TUBGCP6: variants seen among roughly 807,000 people sequenced by gnomAD.
TUBGCP6 encodes the protein gamma-tubulin complex component 6.
Under a neutral mutation model 175.8 loss-of-function variants are expected in TUBGCP6, and 161 were observed. The observed-to-expected ratio is 0.92, with a 90% CI of 0.81 to 1.04. The LOEUF is 1.04. TUBGCP6 is among the 50% of genes least tolerant of loss of function. The pLI is 0.00. For missense variants in TUBGCP6, 2,572 were observed against 2,433.0 expected (o/e 1.06, Z -1.20); for synonymous variants, 1,173 against 1,030.5 (o/e 1.14, Z -2.65).
chr22:50,225,646 G>T, intron 10 of TUBGCP6, 148 bp downstream of exon 10: 4 of 798,932 alleles, frequency 5.0e-6, no homozygotes, highest in Non-Finnish European at 6.8e-6. Context: ...ACTCCCCCTT[G>T]GCACCCACCC....
rs1479994496 is a variant in TUBGCP6 at position 50,220,595 on chromosome 22, G to C, written c.3764C>G (p.Pro1255Arg). The C allele has an allele frequency of 6.2e-7, 1 of 1,612,780 alleles. No individual in the cohort carries two copies. Among genetic ancestry groups the C allele is most frequent in the Non-Finnish European group, 8.5e-7 (1 of 1,179,682 alleles). The change falls in exon 16 of 25, where the codon CCT (proline) becomes CGT (arginine). Residue 1255 changes from proline to arginine, a missense_variant. By Grantham distance (103) the Pro-to-Arg change is moderately radical. Coordinates refer to ENST00000248846, the MANE Select transcript of TUBGCP6 (RefSeq NM_020461.4). ...CCGGGTGGAAACCACATCCGACACA[G>C]GCTCCCCCAAGCTGATGCTGGCGTC... is the stretch of plus-strand genomic sequence containing the variant. ...VSDASISLGE[P>R]VSDVVSTRPR...
rs113946237 is a variant in TUBGCP6, at chr22:50,244,484, G to A, written c.-25C>T. On this transcript the variant is annotated 5_prime_UTR_variant, in exon 1 of 25. Coordinates refer to ENST00000248846, the MANE Select transcript of TUBGCP6 (RefSeq NM_020461.4). The stretch of plus-strand genomic sequence containing the variant: ...TGCCCCTTCTCAGCTCCGGGCCCCC[G>A]GCGTGTGGGAAAACACCTCACCCGG... 1.1e-3 allele frequency: 1,753 copies of A among 1,586,846 alleles called. 20 individuals carry two copies. The African/African-American group carries it at 0.02, about 18-fold the overall frequency.
At position 50,226,267 on chromosome 22, in the gene TUBGCP6, C is replaced by A. The variant is rs983771157; in HGVS notation, c.1693+20G>T. On this transcript the variant is annotated intron_variant, in intron 8 of 24. Transcript: ENST00000248846. ...GGCCCACAGGCACGGACCCCTGCCC[C>A]GCAATCAGCTGCCACCTACCTCGGA... 3.7e-6 allele frequency: 6 copies of A among 1,613,986 alleles called. No individual in the cohort carries two copies. Among genetic ancestry groups the A allele is most frequent in the Non-Finnish European group, 5.1e-6 (6 of 1,179,984 alleles).
chr22:50,219,101 G>C lies in TUBGCP6; in HGVS notation c.4593C>G (p.Phe1531Leu). The stretch of plus-strand genomic sequence containing the variant: ...AGAGCAGGTCGCTGAGGGACTGGGC[G>C]AACTCGCCGTCCTCCATCAGCAGGA... The part of the protein sequence containing the change: ...RHFLLMEDGE[F>L]AQSLSDLLFE... The change falls in exon 20 of 25, where the codon TTC becomes TTG. Residue 1531 changes from phenylalanine (F) to leucine (L), a missense_variant. Transcript: ENST00000248846. 1 of 1,612,824 alleles carries C rather than the reference G, an allele frequency of 6.2e-7. No individual in the cohort carries two copies. The highest frequency in any genetic ancestry group is 1.1e-5 in the South Asian group (1 of 91,000).
chr22:50,244,008 T>C lies in TUBGCP6; in HGVS notation c.452A>G (p.Asp151Gly), dbSNP rs1338223277. Residue 151 changes from aspartate to glycine, a missense_variant, in exon 1 of 25, where the codon GAC becomes GGC. Coordinates refer to ENST00000248846, the MANE Select transcript of TUBGCP6 (RefSeq NM_020461.4). ...RNVPYSGYDC[D>G]DLSVFEMDVQ... ...GTCCATCTCAAACACACTCAGGTCG[T>C]CGCAATCATAGCCGCTGTACGGAAC... 2 of 1,614,162 alleles carry C rather than the reference T, an allele frequency of 1.2e-6. No individual in the cohort carries two copies. Among genetic ancestry groups the C allele is most frequent in the Non-Finnish European group, 1.7e-6 (2 of 1,180,050 alleles).
At position 50,226,761 on chromosome 22, in the gene TUBGCP6, G is replaced by C. The variant is rs1260666778; in HGVS notation, c.1573C>G (p.Leu525Val). 2 of 1,590,974 alleles carry C rather than the reference G, an allele frequency of 1.3e-6. No individual in the cohort carries two copies. The highest frequency in any genetic ancestry group is 1.3e-5 in the African/African-American group (1 of 74,662). ...GTGTAGGGCTCGCAGCTGGTCTTCA[G>C]CAGGGACAGCAGTACAGGGTAGTGC... ...NEHYPVLLSL[L>V]KTSCEPYTRF... Residue 525 changes from leucine to valine, a missense_variant, in exon 7 of 25, where the codon CTG becomes GTG. By Grantham distance (32) the Leu-to-Val change is conservative. Transcript: ENST00000248846.
At chr22:50,222,698 C>T in intron 13 of TUBGCP6, 106 bp from the exon 14 acceptor site, 2 of 1,479,260 alleles carry the variant, frequency 1.4e-6, no homozygotes, top group Non-Finnish European at 1.8e-6. Flanking sequence ...CCCCAGTGGG[C>T]CCCCGCCCCC....
At chr22:50,219,502 G>T in intron 18 of TUBGCP6, 46 bp from the exon 19 acceptor site, 1 of 1,593,868 alleles carries the variant, frequency 6.3e-7, no homozygotes, top group Non-Finnish European at 8.5e-7. Flanking sequence ...GCCAGCCCAG[G>T]GCTCCGCCCC....
At chr22:50,232,487 A>C (rs2064706574) in intron 3 of TUBGCP6, among the ~76,000 whole-genome samples, 2 of 151,780 alleles carry the variant, frequency 1.3e-5, no homozygotes, top group South Asian at 4.2e-4. Context: ...TCAGCCCAGG[A>C]GGTCGAGGCT....
chr22:50,228,238 ACCACCAACCC>A, intron 4 of TUBGCP6, among the ~76,000 whole-genome samples: 1 of 82,248 alleles, frequency 1.2e-5, no homozygotes, highest in Admixed American at 1.1e-4. Flanking sequence ...GCTGTGGCCC[ACCACCAACCC>A]TTCCTCTCAT....
chr22:50,242,004 A>G lies in TUBGCP6; in HGVS notation c.742-1637T>C, dbSNP rs796569371. Among the ~76,000 whole-genome samples the G allele has an allele frequency of 4.2e-3, 575 of 135,974 alleles. 8 individuals carry two copies. Among genetic ancestry groups the G allele is most frequent in the African/African-American group, 0.014 (542 of 38,590 alleles). 89.2% of individuals were successfully genotyped at this position (135,974 alleles called of 152,430 possible). A position where few individuals can be genotyped will look rare whatever the true frequency, so the allele number is the denominator to read the frequency against. On this transcript the variant is annotated intron_variant, in intron 1 of 24. Transcript: ENST00000248846. ...ATCTCAAAAAAAAAAAAAAAAAAAA[A>G]AAAAAGAACAATCAGGCCGGGCTCA... is the stretch of plus-strand genomic sequence containing the variant.
chr22:50,226,451 T>C (rs2147188852), intron 7 of TUBGCP6, 73 bp from the exon 8 acceptor site: 2 of 1,343,342 alleles, frequency 1.5e-6, no homozygotes, highest in Non-Finnish European at 2.1e-6. Context: ...CAGTGAGGGG[T>C]GGGACAGGGG....
chr22:50,221,435 C>T lies in TUBGCP6; in HGVS notation c.2924G>A (p.Cys975Tyr), dbSNP rs1414205066. ...PAPGPLQAAE[C>Y]SLGSSGLQLW... ...CTGTAGCCCTGAGCTGCCCAAGCTG[C>T]ACTCTGCAGCCTGCAGGGGCCCTGG... is the stretch of plus-strand genomic sequence containing the variant. Residue 975 changes from cysteine (C) to tyrosine (Y), a missense_variant, in exon 16 of 25, where the codon TGC becomes TAC. By Grantham distance (194) the Cys-to-Tyr change is radical (BLOSUM62 -2). Transcript: ENST00000248846. 5.6e-6 allele frequency: 9 copies of T among 1,599,206 alleles called. No homozygotes were observed. In the Admixed American group the frequency reaches 1.2e-4, roughly 21 times the overall value.
rs1308078165 is a variant in TUBGCP6, at chr22:50,220,160, T to C, written c.4108+91A>G. The stretch of plus-strand genomic sequence containing the variant: ...GCTGACAAGGAGGCCTGAGGGGAAC[T>C]TCACATGCCACCAACCCCACTGCCC... On this transcript the variant is annotated intron_variant, in intron 16 of 24. Coordinates refer to ENST00000248846, the MANE Select transcript of TUBGCP6 (RefSeq NM_020461.4). 5 of 1,548,194 alleles carry C rather than the reference T, an allele frequency of 3.2e-6. No homozygotes were observed. In the East Asian group the frequency reaches 1.2e-4, roughly 36 times the overall value.
chr22:50,241,394 G>A (rs1358167864), intron 1 of TUBGCP6, among the ~76,000 whole-genome samples: 1 of 152,120 alleles, frequency 6.6e-6, no homozygotes, highest in Admixed American at 6.5e-5. Flanking sequence ...CTACTTAGCA[G>A]ACCAGGAAAG....
At chr22:50,242,690 C>A (rs1007587143) in intron 1 of TUBGCP6, among the ~76,000 whole-genome samples, 1 of 152,214 alleles carries the variant, frequency 6.6e-6, no homozygotes, top group African/African-American at 2.4e-5. Context: ...AGGCGACAGA[C>A]AGCAAAAACA....
At position 50,220,739 on chromosome 22, in the gene TUBGCP6, G is replaced by A. The variant is rs558422866; in HGVS notation, c.3620C>T (p.Pro1207Leu). ...SLGESVSDMA[P>L]TRPRWNTHGH... Reference sequence around the variant, plus strand: ...GTGGGTGTTCCACCGTGGCCGGGTGGGAGCCATGTCTGACACAGACTCCCC... The same window carrying A: ...GTGGGTGTTCCACCGTGGCCGGGTGAGAGCCATGTCTGACACAGACTCCCC... The change falls in exon 16 of 25, where the codon CCC becomes CTC. Residue 1207 changes from proline to leucine, a missense_variant. Coordinates refer to ENST00000248846, the MANE Select transcript of TUBGCP6 (RefSeq NM_020461.4). The A allele has an allele frequency of 8.7e-6, 14 of 1,607,688 alleles. No individual in the cohort carries two copies. The South Asian group carries it at 1.5e-4, about 18-fold the overall frequency.
chr22:50,229,959 G>A (rs1397480925), intron 3 of TUBGCP6, among the ~76,000 whole-genome samples: 1 of 152,048 alleles, frequency 6.6e-6, no homozygotes, highest in African/African-American at 2.4e-5. Flanking sequence ...ACAAAGACTC[G>A]CCACAGGACA....
In TUBGCP6 at chr22:50,244,136, C is replaced by T. The variant is rs539969892; in HGVS notation, c.324G>A (p.Gly108=). The T allele has an allele frequency of 4.3e-6, 7 of 1,613,546 alleles. No individual in the cohort carries two copies. Among genetic ancestry groups the T allele is most frequent in the African/African-American group, 4.0e-5 (3 of 75,052 alleles). ...GCTGAACCAGGAGGTCCAAAACAGA[C>T]CCCACCTCCAAAAGCGGACAGCAAG... ...AAPCCPLLEV[G]SVLDLLVQLA... is the part of the protein sequence containing the mutation. Residue 108 remains glycine, a synonymous_variant, in exon 1 of 25, where the codon GGG becomes GGA. Coordinates refer to ENST00000248846, the MANE Select transcript of TUBGCP6 (RefSeq NM_020461.4).
Sources: allele counts gnomAD v4.1 joint callset (sites outside exome capture counted in the v4.1 genomes callset), GRCh38; gene constraint gnomAD v4.1.1; transcripts MANE v1.5; gene names NCBI Gene and HGNC (gene_info 2026-07-23, HGNC 2026-07-21).